L3MBTL4: variants seen among roughly 807,000 people sequenced by gnomAD.
L3MBTL4 encodes L3MBTL histone methyl-lysine binding protein 4, also known as lethal(3)malignant brain tumor-like protein 4.
In L3MBTL4, 70 loss-of-function variants were observed where a neutral mutation model predicts 84.5. The observed-to-expected ratio is 0.83, with a 90% CI of 0.68 to 1.01. The LOEUF is 1.01. Among genes scored for constraint, L3MBTL4 ranks in the 50% least tolerant of loss-of-function variants. The probability of loss-of-function intolerance (pLI) is 0.00; values close to 1 mark genes in which losing one functional copy is unlikely to be tolerated. For synonymous variants in L3MBTL4, 274 were observed against 259.8 expected (o/e 1.05, Z -0.52); for missense variants, 715 against 754.8 (o/e 0.95, Z 0.62).
intron 16 of L3MBTL4, among the ~76,000 whole-genome samples, chr18:5,985,625 T>A (rs1307171283): frequency 1.3e-5 from 2 of 152,168 alleles, no homozygotes; most frequent in African/African-American, 4.8e-5. Context: ...GAAGGATGTT[T>A]AAGTTATAAA....
Position 6,092,831 on chromosome 18 carries a change from G to A in L3MBTL4, c.1373+524C>T, listed in dbSNP as rs548063786. ...AATGAGAACTGGTATTTAGAATCAC[G>A]AGTTTACATTTAGGAACAGAGGGAA... is the stretch of plus-strand genomic sequence containing the variant. On this transcript the variant is annotated intron_variant, in intron 15 of 18. Coordinates refer to ENST00000317931, the MANE Select transcript of L3MBTL4 (RefSeq NM_001330559.2). 3.3e-5 allele frequency among the ~76,000 whole-genome samples: 5 copies of A among 152,284 alleles called. No individual in the cohort carries two copies. The South Asian group carries it at 6.2e-4, about 19-fold the overall frequency.
At chr18:5,994,493 C>A (rs912045845) in intron 16 of L3MBTL4, among the ~76,000 whole-genome samples, 1 of 152,222 alleles carries the variant, frequency 6.6e-6, no homozygotes, top group Non-Finnish European at 1.5e-5. Flanking sequence ...AAATTATCAG[C>A]CCCATTACGA....
At chr18:6,218,156 G>A (rs1457507830) in intron 10 of L3MBTL4, among the ~76,000 whole-genome samples, 2 of 152,064 alleles carry the variant, frequency 1.3e-5, no homozygotes, top group Non-Finnish European at 2.9e-5. Context: ...TGCCCGGGCT[G>A]GAATGCGGTG....
chr18:6,376,748 C>G (rs2054386857), intron 1 of L3MBTL4, among the ~76,000 whole-genome samples: 1 of 152,068 alleles, frequency 6.6e-6, no homozygotes, highest in Admixed American at 6.6e-5. Flanking sequence ...AAAAAACAAA[C>G]AAAAAACATA....
chr18:6,266,548 C>T (rs141088536), intron 4 of L3MBTL4, among the ~76,000 whole-genome samples: 35 of 152,258 alleles, frequency 2.3e-4, no homozygotes, highest in Middle Eastern at 3.4e-3. Context: ...TGAAACCTCT[C>T]GAGACAATAC....
chr18:6,180,027 T>A (rs922079967), intron 12 of L3MBTL4, among the ~76,000 whole-genome samples: 1 of 152,142 alleles, frequency 6.6e-6, no homozygotes, highest in African/African-American at 2.4e-5. Flanking sequence ...GCCAAGATCA[T>A]AAGCCAGTAA....
At chr18:6,129,835 T>C (rs939603816) in intron 14 of L3MBTL4, among the ~76,000 whole-genome samples, 19 of 152,216 alleles carry the variant, frequency 1.2e-4, no homozygotes, top group Admixed American at 9.2e-4. Context: ...AAAGTGCTTT[T>C]AGGCAGATTT....
chr18:6,393,654 A>G (rs775767984), intron 1 of L3MBTL4, among the ~76,000 whole-genome samples: 5 of 152,188 alleles, frequency 3.3e-5, no homozygotes, highest in Non-Finnish European at 5.9e-5. Context: ...CCAATCAATC[A>G]GGGAATCCCA....
chr18:6,160,507 G>A lies in L3MBTL4; in HGVS notation c.1096+11321C>T, dbSNP rs151083558. 3.6e-3 allele frequency among the ~76,000 whole-genome samples: 541 copies of A among 152,234 alleles called. 2 individuals are homozygous for A. Among genetic ancestry groups the A allele is most frequent in the African/African-American group, 0.011 (474 of 41,528 alleles). On this transcript the variant is annotated intron_variant, in intron 13 of 18. Transcript: ENST00000317931. ...AACACTTTGGGAGGCCAAGGTGGGC[G>A]GATCACCTGAGGTCAGGAGTTCAAG...
intron 10 of L3MBTL4, among the ~76,000 whole-genome samples, chr18:6,235,355 T>C (rs1397274387): frequency 1.3e-5 from 2 of 152,154 alleles, no homozygotes; most frequent in African/African-American, 4.8e-5. Flanking sequence ...TAAAGACGTA[T>C]GTCCACAGAG....
At chr18:6,036,858 T>C (rs1465181601) in intron 16 of L3MBTL4, among the ~76,000 whole-genome samples, 1 of 152,208 alleles carries the variant, frequency 6.6e-6, no homozygotes, top group Non-Finnish European at 1.5e-5. Context: ...CTTAGGTCTT[T>C]CCTGGGCCTG....
rs544945784 is a variant in L3MBTL4 at position 6,184,721 on chromosome 18, G to A, written c.982-12779C>T. 1.1e-4 allele frequency among the ~76,000 whole-genome samples: 16 copies of A among 152,300 alleles called. 1 individual carries two copies. Among genetic ancestry groups the A allele is most frequent in the Admixed American group, 9.2e-4 (14 of 15,294 alleles). ...TACAATTATGATCCAGCCATATTGAGGATGGGTGAAGAGAAGAGTGCATAC... is the reference window on the plus strand; with the variant it reads ...TACAATTATGATCCAGCCATATTGAAGATGGGTGAAGAGAAGAGTGCATAC... On this transcript the variant is annotated intron_variant, in intron 12 of 18. Transcript: ENST00000317931.
chr18:6,356,156 C>G (rs2053436064), intron 1 of L3MBTL4, among the ~76,000 whole-genome samples: 1 of 152,328 alleles, frequency 6.6e-6, no homozygotes, highest in East Asian at 1.9e-4. Flanking sequence ...CAAAATAATT[C>G]TGTAGTATTC....
At chr18:6,137,371 C>T (rs575281109) in intron 14 of L3MBTL4, among the ~76,000 whole-genome samples, 2 of 152,174 alleles carry the variant, frequency 1.3e-5, no homozygotes, top group East Asian at 3.9e-4. Flanking sequence ...TCCTTTTATT[C>T]AGTTAAAAAT....
At chr18:6,245,953 A>C (rs1310772517) in intron 5 of L3MBTL4, among the ~76,000 whole-genome samples, 1 of 152,140 alleles carries the variant, frequency 6.6e-6, no homozygotes, top group East Asian at 1.9e-4. Context: ...GTACAATTGA[A>C]ATTGAGTTTT....
chr18:6,268,476 T>C (rs891566716), intron 4 of L3MBTL4, among the ~76,000 whole-genome samples: 1 of 152,198 alleles, frequency 6.6e-6, no homozygotes, highest in African/African-American at 2.4e-5. Flanking sequence ...GCCTTAAACA[T>C]GAATTCAAAT....
At chr18:5,991,841 G>A (rs984562615) in intron 16 of L3MBTL4, among the ~76,000 whole-genome samples, 1 of 152,036 alleles carries the variant, frequency 6.6e-6, no homozygotes, top group Non-Finnish European at 1.5e-5. Context: ...CTAGTGACAT[G>A]CTGAGCCCAG....
At chr18:6,246,273 G>A (rs2047661995) in intron 5 of L3MBTL4, among the ~76,000 whole-genome samples, 1 of 152,058 alleles carries the variant, frequency 6.6e-6, no homozygotes, top group Non-Finnish European at 1.5e-5. Context: ...TGTCAAAAGT[G>A]TTTTTCAATT....
chr18:5,957,331 T>G (rs1025025713), intron 18 of L3MBTL4, among the ~76,000 whole-genome samples: 2 of 152,052 alleles, frequency 1.3e-5, no homozygotes, highest in African/African-American at 4.8e-5. Context: ...TATATGTATA[T>G]CAAATCATCA....
Sources: gnomAD v4.1 joint callset for allele counts (sites outside exome capture counted in the v4.1 genomes callset) on GRCh38, gnomAD v4.1.1 for gene constraint, MANE v1.5 for transcripts, NCBI Gene and HGNC (gene_info 2026-07-23, HGNC 2026-07-21) for gene names.